Variants in HSPG2 observed in about 807,000 individuals in gnomAD.
The protein encoded by HSPG2 is heparan sulfate proteoglycan 2.
Under a neutral mutation model 526.6 loss-of-function variants are expected in HSPG2, and 278 were observed. That is an observed-to-expected ratio of 0.53 (90% confidence interval 0.48 to 0.58). The LOEUF is 0.58. Among genes scored for constraint, HSPG2 ranks in the 20% least tolerant of loss-of-function variants. The pLI is 0.00. For synonymous variants in HSPG2, 2,465 were observed against 2,555.4 expected, an observed-to-expected ratio of 0.96 and a Z score of 1.07; for missense variants, 5,354 against 6,099.5, an observed-to-expected ratio of 0.88 and a Z score of 4.07.
chr1:21,836,961 G>T lies in HSPG2; in HGVS notation c.10196C>A (p.Thr3399Lys). 6.4e-7 allele frequency: 1 copy of T among 1,555,038 alleles called. No homozygotes were observed. Among genetic ancestry groups the T allele is most frequent in the Non-Finnish European group, 8.7e-7 (1 of 1,149,234 alleles). ...LPATSIPAGS[T>K]PTVQVTPQLE... is the part of the protein sequence containing the mutation. ...CTGAGGCGTGACCTGCACGGTGGGC[G>T]TGGACCCTGCTGGGATGGAGGTGGC... is the stretch of plus-strand genomic sequence containing the variant. The change falls in exon 75 of 97, where the codon ACG (threonine) becomes AAG (lysine). Residue 3399 changes from threonine (T) to lysine (K), a missense_variant. By Grantham distance (78) the Thr-to-Lys change is moderately conservative. Transcript: ENST00000374695.
Position 21,828,269 on chromosome 1 carries a change from C to T in HSPG2, c.12395G>A (p.Arg4132Gln), listed in dbSNP as rs770563957. Residue 4132 changes from arginine to glutamine, a missense_variant, in exon 89 of 97, where the codon CGA (arginine) becomes CAA (glutamine). Coordinates refer to ENST00000374695, the MANE Select transcript of HSPG2 (RefSeq NM_005529.7). The surrounding 1 kb of genome is among the most constrained non-coding windows in gnomAD (Gnocchi z 6.0). Reference protein sequence around the residue: ...AGEYEFQCLCRDGFKGDLCEH... With the variant: ...AGEYEFQCLCQDGFKGDLCEH... ...GGCTTTCCCACCTTTGAATCCATCT[C>T]GACACAGGCACTGGAACTCATACTC... 3.2e-5 allele frequency: 51 copies of T among 1,613,544 alleles called. No individual in the cohort carries two copies. The highest frequency in any genetic ancestry group is 1.3e-4 in the East Asian group (6 of 44,882).
chr1:21,848,583 CT>C lies in HSPG2; in HGVS notation c.7737+59del, dbSNP rs1638637715. On this transcript the variant is annotated intron_variant, in intron 59 of 96. Coordinates refer to ENST00000374695, the MANE Select transcript of HSPG2 (RefSeq NM_005529.7). This position sits in a 1 kb window ranked among gnomAD's most constrained non-coding sequence, Gnocchi z 4.9. ...CAGAGTGAGGTGCTGAGAGTCCCCC[CT>C]CTTCCCATTGGGGGCTGGTGTGCCC... The C allele has an allele frequency of 2.5e-6, 4 of 1,588,164 alleles. No individual in the cohort carries two copies. The South Asian group carries it at 3.3e-5, about 13-fold the overall frequency.
intron 23 of HSPG2, 93 bp downstream of exon 23, chr1:21,876,136 C>T: frequency 6.4e-7 from 1 of 1,571,174 alleles, no homozygotes; most frequent in Non-Finnish European, 8.7e-7. Flanking sequence ...TCTCACTATT[C>T]TCCCAAGGCA....
At chr1:21,843,519 C>G in intron 65 of HSPG2, 81 bp from the exon 66 acceptor site, 1 of 1,446,604 alleles carries the variant, frequency 6.9e-7, no homozygotes, top group South Asian at 1.3e-5. Flanking sequence ...CACCCTGGGA[C>G]TGCCATGCAC....
At chr1:21,878,341 T>C in intron 20 of HSPG2, 88 bp from the exon 21 acceptor site, 1 of 1,557,784 alleles carries the variant, frequency 6.4e-7, no homozygotes, top group Non-Finnish European at 8.8e-7. Flanking sequence ...TCCCCAAGGT[T>C]CATGAGCTGG....
chr1:21,929,003 G>A (rs61776283), intron 1 of HSPG2, among the ~76,000 whole-genome samples: 15 of 148,328 alleles, frequency 1.0e-4, no homozygotes, highest in Admixed American at 6.0e-4. Context: ...CAGGTGATCC[G>A]CCCGCCTTGG....
At position 21,887,522 on chromosome 1, in the gene HSPG2, C is replaced by A; in HGVS notation, c.856G>T (p.Gly286Trp). 2 of 1,614,048 alleles carry A rather than the reference C, an allele frequency of 1.2e-6. No individual in the cohort carries two copies. The highest frequency in any genetic ancestry group is 1.7e-6 in the Non-Finnish European group (2 of 1,179,998). Reference sequence around the variant, plus strand: ...TTGCGGCATGCGGCCTCCTGGGGCCCACAGGGCAGGGGCCTGACGGAACCG... The same window carrying A: ...TTGCGGCATGCGGCCTCCTGGGGCCAACAGGGCAGGGGCCTGACGGAACCG... ...LPGSVRPLPC[G>W]PQEAACRNGH... The change falls in exon 8 of 97, where the codon GGG (glycine) becomes TGG (tryptophan). Residue 286 changes from glycine to tryptophan, a missense_variant. Gly to Trp is a radical substitution (Grantham distance 184, BLOSUM62 -2). Transcript: ENST00000374695. This position sits in a 1 kb window ranked among gnomAD's most constrained non-coding sequence, Gnocchi z 5.0.
At chr1:21,825,525 T>C (rs1572133161) in intron 91 of HSPG2, among the ~76,000 whole-genome samples, 3 of 152,244 alleles carry the variant, frequency 2.0e-5, no homozygotes, top group African/African-American at 7.2e-5. Context: ...GTCCATACTG[T>C]GTGTGGCTCC....
rs953061947 is a variant in HSPG2 at position 21,849,893 on chromosome 1, T to C, written c.7446+148A>G. 2.3e-5 allele frequency: 22 copies of C among 948,818 alleles called. 1 individual carries two copies. Among genetic ancestry groups the C allele is most frequent in the Non-Finnish European group, 3.5e-5 (21 of 595,376 alleles). The allele number at this position is 948,818 out of a possible 1,614,324, so 58.8% of individuals were successfully genotyped here. A position where few individuals can be genotyped will look rare whatever the true frequency, so the allele number is the denominator to read the frequency against. On this transcript the variant is annotated intron_variant, in intron 57 of 96. Transcript: ENST00000374695. Reference sequence around the variant, plus strand: ...TGGGGTTTCATTATGTTGGTCAGGCTGGTCTCAAACTCCTGACCTCGTGAT... The same window carrying C: ...TGGGGTTTCATTATGTTGGTCAGGCCGGTCTCAAACTCCTGACCTCGTGAT...
rs762474688 is a variant in HSPG2, at chr1:21,890,535, C to T, written c.354+50G>A. On this transcript the variant is annotated intron_variant, in intron 4 of 96. Coordinates refer to ENST00000374695, the MANE Select transcript of HSPG2 (RefSeq NM_005529.7). The surrounding 1 kb of genome is among the most constrained non-coding windows in gnomAD (Gnocchi z 4.1). ...GCCCCAGAGGCCTTCACCCCATCCT[C>T]GGTCCTGCCCCGCCACACCCGCGAG... 5.6e-6 allele frequency: 9 copies of T among 1,609,786 alleles called. No homozygotes were observed. The highest frequency in any genetic ancestry group is 3.3e-5 in the South Asian group (3 of 91,030).
chr1:21,885,735 C>G (rs1471469737), intron 9 of HSPG2, among the ~76,000 whole-genome samples: 2 of 152,210 alleles, frequency 1.3e-5, no homozygotes, highest in African/African-American at 4.8e-5. Context: ...CCCAGCCACG[C>G]TCAGAGGCAC....
rs1288966483 is a variant in HSPG2 at position 21,937,228 on chromosome 1, G to A, written c.-11C>T. ...CGCCCGCCACCCCATGGCCCGGCCC[G>A]CGCCGCTCTCTCGCTCGCTCGCTCC... On this transcript the variant is annotated 5_prime_UTR_variant, in exon 1 of 97. Transcript: ENST00000374695. The A allele has an allele frequency of 1.1e-6, 1 of 921,550 alleles. No homozygotes were observed. The highest frequency in any genetic ancestry group is 1.3e-6 in the Non-Finnish European group (1 of 773,288). 57.1% of individuals were successfully genotyped at this position (921,550 alleles called of 1,614,324 possible).
In HSPG2 at chr1:21,828,081, C is replaced by T. The variant is rs1240395759; in HGVS notation, c.12481G>A (p.Gly4161Ser). 1.2e-6 allele frequency: 2 copies of T among 1,613,258 alleles called. No individual in the cohort carries two copies. The highest frequency in any genetic ancestry group is 1.1e-5 in the South Asian group (1 of 91,074). ...EPCLHGGTCQ[G>S]TRCLCLPGFS... ...CCAGGGAGGCAGAGGCAGCGGGTGC[C>T]CTGGCAGGTGCCCCCATGCAGACAG... is the stretch of plus-strand genomic sequence containing the variant. Residue 4161 changes from glycine to serine, a missense_variant, in exon 90 of 97, where the codon GGC becomes AGC. Physicochemically the swap from Gly to Ser is moderately conservative, Grantham distance 56. Transcript: ENST00000374695. This position sits in a 1 kb window ranked among gnomAD's most constrained non-coding sequence, Gnocchi z 6.0.
rs114453113 is a variant in HSPG2 at position 21,872,892 on chromosome 1, C to T, written c.3888+105G>A. 1.1e-3 allele frequency: 1,681 copies of T among 1,530,746 alleles called. 17 individuals are homozygous for T. The African/African-American group carries it at 0.021, about 19-fold the overall frequency. 94.8% of individuals were successfully genotyped at this position (1,530,746 alleles called of 1,614,324 possible). A position where few individuals can be genotyped will look rare whatever the true frequency, so the allele number is the denominator to read the frequency against. On this transcript the variant is annotated intron_variant, in intron 31 of 96. Coordinates refer to ENST00000374695, the MANE Select transcript of HSPG2 (RefSeq NM_005529.7). This position sits in a 1 kb window ranked among gnomAD's most constrained non-coding sequence, Gnocchi z 5.5. The stretch of plus-strand genomic sequence containing the variant: ...CCCTGCCCTGTCCCCCATGCCCTGC[C>T]CCCCATGCCCAGGTCTCGGCTTCCA...
chr1:21,839,344 GCAGA>G lies in HSPG2; in HGVS notation c.9889+23_9889+26del, dbSNP rs750004883. On this transcript the variant is annotated intron_variant, in intron 73 of 96. Transcript: ENST00000374695. This position sits in a 1 kb window ranked among gnomAD's most constrained non-coding sequence, Gnocchi z 4.5. ...CGGGGGGCTCAGATCTCCATTTGGT[GCAGA>G]CAAAGAAGGGATGAGGCCTTACTCT... 6.2e-7 allele frequency: 1 copy of G among 1,605,862 alleles called. No homozygotes were observed. Among genetic ancestry groups the G allele is most frequent in the Non-Finnish European group, 8.5e-7 (1 of 1,178,708 alleles).
chr1:21,842,170 C>T (rs2098051255), intron 68 of HSPG2, 28 bp from the exon 69 acceptor site: 1 of 1,613,208 alleles, frequency 6.2e-7, no homozygotes, highest in Non-Finnish European at 8.5e-7. Context: ...GAGGGCTGGG[C>T]TCAGCAGGGG....
intron 1 of HSPG2, among the ~76,000 whole-genome samples, chr1:21,899,738 G>A (rs1642988496): frequency 6.6e-6 from 1 of 152,208 alleles, no homozygotes; most frequent in Non-Finnish European, 1.5e-5. Context: ...ACCCTTGGAG[G>A]AGGCTGAGGA....
At position 21,851,872 on chromosome 1, in the gene HSPG2, A is replaced by G. The variant is rs1449479552; in HGVS notation, c.6925T>C (p.Tyr2309His). The change falls in exon 54 of 97, where the codon TAC becomes CAC. Residue 2309 changes from tyrosine to histidine, a missense_variant. Physicochemically the swap from Tyr to His is moderately conservative, Grantham distance 83 (BLOSUM62 2). Transcript: ENST00000374695. ...FQASPADAGQ[Y>H]VCRASNGMEA... The stretch of plus-strand genomic sequence containing the variant: ...ATGCCGTTGCTGGCCCGGCAGACGT[A>G]CTGTCCCGCATCGGCAGGTGAGGCC... 1 of 1,612,966 alleles carries G rather than the reference A, an allele frequency of 6.2e-7. No homozygotes were observed. The highest frequency in any genetic ancestry group is 2.2e-5 in the East Asian group (1 of 44,882).
chr1:21,848,189 T>A lies in HSPG2; in HGVS notation c.7738-96A>T. On this transcript the variant is annotated intron_variant, in intron 59 of 96. Transcript: ENST00000374695. The surrounding 1 kb of genome is among the most constrained non-coding windows in gnomAD (Gnocchi z 4.9). Reference sequence around the variant, plus strand: ...CCGCTGCCCCTGGACTCTGGGGGCCTCCCTGCCTTGCCTCCTCAGTGGCCT... The same window carrying A: ...CCGCTGCCCCTGGACTCTGGGGGCCACCCTGCCTTGCCTCCTCAGTGGCCT... 7.2e-7 allele frequency: 1 copy of A among 1,396,898 alleles called. No individual in the cohort carries two copies. Among genetic ancestry groups the A allele is most frequent in the Non-Finnish European group, 9.8e-7 (1 of 1,019,728 alleles). The allele number at this position is 1,396,898 out of a possible 1,614,324, so 86.5% of individuals were successfully genotyped here.
Sources: allele counts gnomAD v4.1 joint callset (sites outside exome capture counted in the v4.1 genomes callset), GRCh38; gene constraint gnomAD v4.1.1; non-coding constraint Gnocchi (gnomAD v3.1); transcripts MANE v1.5; gene names NCBI Gene and HGNC (gene_info 2026-07-23, HGNC 2026-07-21).